Variants in RPS6KA1 observed in about 807,000 individuals in gnomAD.
RPS6KA1 encodes the protein ribosomal protein S6 kinase A1, also known as ribosomal protein S6 kinase alpha-1.
In RPS6KA1, 48 loss-of-function variants were observed where a neutral mutation model predicts 91.3. The ratio of observed to expected loss-of-function variants is 0.53; its 90% confidence interval spans 0.42 to 0.67. The LOEUF is 0.67. Among genes scored for constraint, RPS6KA1 ranks in the 30% least tolerant of loss-of-function variants. The probability of loss-of-function intolerance (pLI) is 0.00; values close to 1 mark genes in which losing one functional copy is unlikely to be tolerated. For synonymous variants in RPS6KA1, 359 were observed against 384.7 expected, an observed-to-expected ratio of 0.93 and a Z score of 0.78; for missense variants, 719 against 960.5, an observed-to-expected ratio of 0.75 and a Z score of 3.32.
intron 14 of RPS6KA1, 132 bp from the exon 15 acceptor site, chr1:26,560,594 G>A: frequency 1.7e-6 from 2 of 1,162,312 alleles, no homozygotes; most frequent in East Asian, 2.4e-5. Context: ...GCGGTCACAT[G>A]GCCAACACTC....
chr1:26,530,053 C>G, intron 1 of RPS6KA1, 70 bp downstream of exon 1: 2 of 1,110,332 alleles, frequency 1.8e-6, no homozygotes, highest in Non-Finnish European at 2.3e-6. Flanking sequence ...GCGGGGCGGC[C>G]CGAAGCGCCG....
chr1:26,556,521 T>G lies in RPS6KA1; in HGVS notation c.917-133T>G, dbSNP rs2076102972. The G allele has an allele frequency of 7.1e-6, 6 of 850,198 alleles. No individual in the cohort carries two copies. The Admixed American group carries it at 8.0e-5, about 11-fold the overall frequency. The allele number at this position is 850,198 out of a possible 1,614,324, so 52.7% of individuals were successfully genotyped here. A position where few individuals can be genotyped will look rare whatever the true frequency, so the allele number is the denominator to read the frequency against. On this transcript the variant is annotated intron_variant, in intron 11 of 21. Transcript: ENST00000374168. ...CCTTAGGGTGATGGCTGGGTAGATT[T>G]GAGGCTGAGTGAGCCCATTTTCCCC...
chr1:26,567,197 T>A (rs1454111138), intron 17 of RPS6KA1, among the ~76,000 whole-genome samples: 2 of 145,088 alleles, frequency 1.4e-5, no homozygotes, highest in Admixed American at 6.9e-5. Flanking sequence ...AATTTTAAAA[T>A]TTTTTTTTTG....
Position 26,574,784 on chromosome 1 carries a change from C to T in RPS6KA1, c.*583C>T. The T allele has an allele frequency of 3.9e-6, 1 of 255,118 alleles. No homozygotes were observed. The highest frequency in any genetic ancestry group is 7.9e-6 in the Non-Finnish European group (1 of 126,550). 15.8% of individuals were successfully genotyped at this position (255,118 alleles called of 1,614,324 possible). A position where few individuals can be genotyped will look rare whatever the true frequency, so the allele number is the denominator to read the frequency against. On this transcript the variant is annotated 3_prime_UTR_variant, in exon 22 of 22. Coordinates refer to ENST00000374168, the MANE Select transcript of RPS6KA1 (RefSeq NM_002953.4). This position sits in a 1 kb window ranked among gnomAD's most constrained non-coding sequence, Gnocchi z 4.3. ...GGTCTCATGTCCTGCTGGCTTCCAG[C>T]TTCAGGCACCAGCATCCACCTTGGC...
chr1:26,559,407 C>T (rs1402250687), intron 14 of RPS6KA1, among the ~76,000 whole-genome samples: 2 of 152,030 alleles, frequency 1.3e-5, no homozygotes, highest in Non-Finnish European at 2.9e-5. Flanking sequence ...TGCTCTGTTG[C>T]CCAGGCTGGA....
At chr1:26,572,567 G>C (rs1419422817) in intron 20 of RPS6KA1, among the ~76,000 whole-genome samples, 1 of 152,068 alleles carries the variant, frequency 6.6e-6, no homozygotes, top group African/African-American at 2.4e-5. Context: ...TTGTGGAAAC[G>C]TAGTGTAGTG....
At chr1:26,535,216 A>AG (rs1480357430) in intron 1 of RPS6KA1, among the ~76,000 whole-genome samples, 1 of 151,918 alleles carries the variant, frequency 6.6e-6, no homozygotes, top group African/African-American at 2.4e-5. Flanking sequence ...GTGTGCATGG[A>AG]GGGGCCTGTA....
intron 2 of RPS6KA1, among the ~76,000 whole-genome samples, chr1:26,538,079 G>A (rs542449432): frequency 4.6e-5 from 7 of 152,332 alleles, no homozygotes; most frequent in African/African-American, 1.4e-4. Context: ...AGCTTCCTAA[G>A]ATGAGGTGAC....
At chr1:26,546,109 A>C in intron 2 of RPS6KA1, 12 of 1,517,898 alleles carry the variant, frequency 7.9e-6, no homozygotes, top group Non-Finnish European at 9.9e-6. Context: ...CCAGCTTAAC[A>C]TAAGCTGGCT....
chr1:26,551,645 C>T lies in RPS6KA1; in HGVS notation c.390C>T (p.Ala130=). 3 of 1,614,068 alleles carry T rather than the reference C, an allele frequency of 1.9e-6. No homozygotes were observed. Among genetic ancestry groups the T allele is most frequent in the Non-Finnish European group, 2.5e-6 (3 of 1,179,898 alleles). ...NHPFVVKLHY[A]FQTEGKLYLI... The stretch of plus-strand genomic sequence containing the variant: ...CATTGCCTTTCTCCCTCTTCCCAGC[C>T]TTCCAGACCGAGGGCAAGCTCTATC... Residue 130 remains alanine (A), a splice_region_variant and synonymous_variant, in exon 6 of 22, where the codon GCC becomes GCT. Transcript: ENST00000374168. This position sits in a 1 kb window ranked among gnomAD's most constrained non-coding sequence, Gnocchi z 4.5.
In RPS6KA1 at chr1:26,571,594, A is replaced by G. The variant is rs2076249176; in HGVS notation, c.1736A>G (p.Asn579Ser). 1.4e-5 allele frequency: 23 copies of G among 1,614,026 alleles called. No individual in the cohort carries two copies. Among genetic ancestry groups the G allele is most frequent in the Non-Finnish European group, 1.9e-5 (22 of 1,180,010 alleles). ...GLLMTPCYTANFVAPEVLKRQ... is the reference protein window; with the variant it reads ...GLLMTPCYTASFVAPEVLKRQ... ...CTCATGACACCTTGCTACACAGCCA[A>G]CTTTGTGGCGCCTGAGGTGAGTGGC... Residue 579 changes from asparagine (N) to serine (S), a missense_variant, in exon 18 of 22, where the codon AAC becomes AGC. Coordinates refer to ENST00000374168, the MANE Select transcript of RPS6KA1 (RefSeq NM_002953.4). The surrounding 1 kb of genome is among the most constrained non-coding windows in gnomAD (Gnocchi z 5.1).
intron 17 of RPS6KA1, among the ~76,000 whole-genome samples, chr1:26,566,429 G>A (rs572996802): frequency 3.2e-4 from 49 of 151,598 alleles, no homozygotes; most frequent in Non-Finnish European, 2.1e-4. Context: ...GATTACAGGC[G>A]TGTACCCACC....
At position 26,546,942 on chromosome 1, in the gene RPS6KA1, T is replaced by C; in HGVS notation, c.184T>C (p.Phe62Leu). 1 of 1,614,164 alleles carries C rather than the reference T, an allele frequency of 6.2e-7. No individual in the cohort carries two copies. The highest frequency in any genetic ancestry group is 8.5e-7 in the Non-Finnish European group (1 of 1,180,028). Residue 62 changes from phenylalanine (F) to leucine (L), a missense_variant, in exon 3 of 22, where the codon TTC (phenylalanine) becomes CTC (leucine). By Grantham distance (22) the Phe-to-Leu change is conservative (BLOSUM62 0). Around this residue, in one of 5 missense-constraint regions of RPS6KA1, gnomAD observed 159 missense variants for 264.5 expected, o/e 0.60. Coordinates refer to ENST00000374168, the MANE Select transcript of RPS6KA1 (RefSeq NM_002953.4). ...AGSEKADPSHFELLKVLGQGS... is the reference protein window; with the variant it reads ...AGSEKADPSHLELLKVLGQGS... ...CTCTGAGAAGGCTGATCCATCCCAT[T>C]TCGAGCTCCTCAAGGTTCTGGGCCA...
rs1219999497 is a variant in RPS6KA1, at chr1:26,547,791, A to C, written c.307+521A>C. On this transcript the variant is annotated intron_variant, in intron 4 of 21. Coordinates refer to ENST00000374168, the MANE Select transcript of RPS6KA1 (RefSeq NM_002953.4). The surrounding 1 kb of genome is among the most constrained non-coding windows in gnomAD (Gnocchi z 4.1). ...TACAAAGGGTGTGAAGATGGTTGGT[A>C]GTGGGCTTTGGGTTGGATACTGACC... 2.0e-5 allele frequency among the ~76,000 whole-genome samples: 3 copies of C among 152,174 alleles called. No individual in the cohort carries two copies. Among genetic ancestry groups the C allele is most frequent in the African/African-American group, 7.2e-5 (3 of 41,440 alleles).
rs564865851 is a variant in RPS6KA1 at position 26,555,555 on chromosome 1, C to T, written c.846C>T (p.Pro282=). ...TLILKAKLGM[P]QFLSTEAQSL... is the part of the protein sequence containing the mutation. ...GTTTCAGGGCGAAGCTAGGCATGCC[C>T]CAGTTTCTGAGCACTGAAGCCCAGA... The change falls in exon 11 of 22, where the codon CCC becomes CCT. Residue 282 remains proline, a synonymous_variant. Coordinates refer to ENST00000374168, the MANE Select transcript of RPS6KA1 (RefSeq NM_002953.4). The surrounding 1 kb of genome is among the most constrained non-coding windows in gnomAD (Gnocchi z 4.3). The T allele has an allele frequency of 1.3e-6, 2 of 1,597,898 alleles. No homozygotes were observed. Among genetic ancestry groups the T allele is most frequent in the African/African-American group, 1.3e-5 (1 of 74,646 alleles).
At position 26,561,378 on chromosome 1, in the gene RPS6KA1, A is replaced by T; in HGVS notation, c.1432-127A>T. 1 of 1,224,816 alleles carries T rather than the reference A, an allele frequency of 8.2e-7. No individual in the cohort carries two copies. Among genetic ancestry groups the T allele is most frequent in the East Asian group, 2.3e-5 (1 of 42,972 alleles). 75.9% of individuals were successfully genotyped at this position (1,224,816 alleles called of 1,614,324 possible). ...GCATCCTCCTTTTGGGGAAGGCAGGACCACTGAAGAGCAAGCAGAACACCT... is the reference window on the plus strand; with the variant it reads ...GCATCCTCCTTTTGGGGAAGGCAGGTCCACTGAAGAGCAAGCAGAACACCT... On this transcript the variant is annotated intron_variant, in intron 16 of 21. Coordinates refer to ENST00000374168, the MANE Select transcript of RPS6KA1 (RefSeq NM_002953.4). This position sits in a 1 kb window ranked among gnomAD's most constrained non-coding sequence, Gnocchi z 5.7.
At chr1:26,564,137 A>G (rs1460858892) in intron 17 of RPS6KA1, among the ~76,000 whole-genome samples, 1 of 152,162 alleles carries the variant, frequency 6.6e-6, no homozygotes, top group Non-Finnish European at 1.5e-5. Flanking sequence ...AAAAAATAAA[A>G]ATAAAAAAAA....
chr1:26,551,494 T>C lies in RPS6KA1; in HGVS notation c.388+17T>C, dbSNP rs777670373. 1 of 1,613,242 alleles carries C rather than the reference T, an allele frequency of 6.2e-7. No homozygotes were observed. Among genetic ancestry groups the C allele is most frequent in the Admixed American group, 1.7e-5 (1 of 60,028 alleles). ...TGCACTATGGTAAAGCTTCTGGCCC[T>C]GCCTGAGCTCCTACCCCACCCATCC... On this transcript the variant is annotated intron_variant, in intron 5 of 21. Coordinates refer to ENST00000374168, the MANE Select transcript of RPS6KA1 (RefSeq NM_002953.4). The surrounding 1 kb of genome is among the most constrained non-coding windows in gnomAD (Gnocchi z 4.5).
chr1:26,532,296 T>C (rs996748678), intron 1 of RPS6KA1, among the ~76,000 whole-genome samples: 1 of 152,172 alleles, frequency 6.6e-6, no homozygotes, highest in Non-Finnish European at 1.5e-5. Context: ...CACTCTGCCT[T>C]ACGAATGTCA....
Sources: allele counts gnomAD v4.1 joint callset (sites outside exome capture counted in the v4.1 genomes callset), GRCh38; gene constraint gnomAD v4.1.1; regional missense constraint gnomAD v4.1.1; non-coding constraint Gnocchi (gnomAD v3.1); transcripts MANE v1.5; gene names NCBI Gene and HGNC (gene_info 2026-07-23, HGNC 2026-07-21).